The following PLRG1 variants were observed in gnomAD, a reference collection of about 807,000 sequenced individuals.
The protein encoded by PLRG1 is pleiotropic regulator 1 (PRL1 homolog, Arabidopsis).
A neutral mutation model predicts 74.9 loss-of-function variants in PLRG1; 28 were observed. The ratio of observed to expected loss-of-function variants is 0.37; its 90% CI spans 0.28 to 0.51. The LOEUF (loss-of-function observed/expected upper bound fraction) is 0.51. Ranked by LOEUF, PLRG1 falls within the 20% of genes least tolerant of loss-of-function variation. PLRG1 has a pLI of 0.91. For synonymous variants in PLRG1, 197 were observed against 212.4 expected (o/e 0.93, Z 0.63); for missense variants, 445 against 631.9 (o/e 0.70, Z 3.17).
At chr4:154,539,388 T>C (rs1453973155) in intron 11 of PLRG1, among the ~76,000 whole-genome samples, 175 bp from the exon 12 acceptor site, 1 of 152,142 alleles carries the variant, frequency 6.6e-6, no homozygotes, top group Non-Finnish European at 1.5e-5. Flanking sequence ...TTGATTTTAA[T>C]TCTTTAAAAA....
chr4:154,539,769 A>C (rs570389072), intron 11 of PLRG1, among the ~76,000 whole-genome samples, 182 bp downstream of exon 11: 2 of 152,262 alleles, frequency 1.3e-5, no homozygotes, highest in Non-Finnish European at 2.9e-5. Flanking sequence ...AAAAAGCATG[A>C]GGTAAAAACA....
At chr4:154,547,880 C>T (rs748270113) in intron 2 of PLRG1, 27 bp from the exon 3 acceptor site, 18 of 1,549,772 alleles carry the variant, frequency 1.2e-5, no homozygotes, top group African/African-American at 1.4e-5. Context: ...AACATAAGAA[C>T]GTATCCATAA....
Position 154,546,136 on chromosome 4 carries a change from G to T in PLRG1, c.391C>A (p.Pro131Thr), listed in dbSNP as rs1488125551. The change falls in exon 5 of 15, where the codon CCT becomes ACT. Residue 131 changes from proline (P) to threonine (T), a missense_variant. Around this residue, in one of 3 missense-constraint regions of PLRG1, gnomAD observed 206 missense variants for 210.8 expected, o/e 0.98. Coordinates refer to ENST00000499023, the MANE Select transcript of PLRG1 (RefSeq NM_002669.4). The stretch of plus-strand genomic sequence containing the variant: ...AATATTTCATACTTGGTCTGCAAAG[G>T]TAATGCCACCGCTAAGGACTGTGCA... ...SAAQSLAVALPLQTKADANRT... is the reference protein window; with the variant it reads ...SAAQSLAVALTLQTKADANRT... 6.3e-7 allele frequency: 1 copy of T among 1,585,434 alleles called. No individual in the cohort carries two copies. Among genetic ancestry groups the T allele is most frequent in the East Asian group, 2.2e-5 (1 of 44,706 alleles).
intron 1 of PLRG1, among the ~76,000 whole-genome samples, chr4:154,549,983 G>A (rs1337321542): frequency 6.6e-6 from 1 of 152,190 alleles, no homozygotes; most frequent in Non-Finnish European, 1.5e-5. Context: ...ACACTGCCCC[G>A]AGGGCGGCAA....
chr4:154,548,690 A>C (rs1046635703), intron 2 of PLRG1, 139 bp downstream of exon 2: 3 of 579,788 alleles, frequency 5.2e-6, no homozygotes, highest in Non-Finnish European at 9.2e-6. Flanking sequence ...ATCAGCTTAA[A>C]TTATGCCAAA....
intron 7 of PLRG1, among the ~76,000 whole-genome samples, chr4:154,542,590 C>T (rs756575347): frequency 3.3e-5 from 5 of 152,090 alleles, no homozygotes; most frequent in Non-Finnish European, 7.4e-5. Flanking sequence ...TGTATGATTC[C>T]ATTTATATGA....
chr4:154,549,872 T>C, intron 1 of PLRG1: 2 of 419,916 alleles, frequency 4.8e-6, no homozygotes, highest in Non-Finnish European at 4.7e-6. Context: ...CAGGGAAAGA[T>C]GTAAAGAACG....
intron 6 of PLRG1, 136 bp from the exon 7 acceptor site, chr4:154,544,682 T>C (rs560723239): frequency 8.4e-6 from 5 of 597,702 alleles, no homozygotes; most frequent in Non-Finnish European, 1.5e-5. Flanking sequence ...ATTTTCTGTA[T>C]GTTAACTTAA....
At chr4:154,536,863 C>T in intron 14 of PLRG1, 119 bp from the exon 15 acceptor site, 1 of 588,428 alleles carries the variant, frequency 1.7e-6, no homozygotes, top group Non-Finnish European at 3.0e-6. Context: ...ACACTTAGTT[C>T]TTTGACAGTT....
At chr4:154,543,577 T>C (rs949899040) in intron 7 of PLRG1, among the ~76,000 whole-genome samples, 5 of 152,180 alleles carry the variant, frequency 3.3e-5, no homozygotes, top group African/African-American at 1.2e-4. Flanking sequence ...ACTATAGTGA[T>C]AGAAAACAGA....
intron 7 of PLRG1, chr4:154,544,038 G>C (rs567877633): frequency 6.1e-6 from 1 of 164,684 alleles, no homozygotes; most frequent in East Asian, 1.8e-4. Flanking sequence ...AAGTTAGCAT[G>C]CATGTCCATT....
intron 1 of PLRG1, among the ~76,000 whole-genome samples, chr4:154,550,062 G>A (rs1729731902): frequency 1.3e-5 from 2 of 152,208 alleles, no homozygotes; most frequent in South Asian, 4.1e-4. Context: ...AGAGTCAAAC[G>A]AGGACTGGAC....
At position 154,546,994 on chromosome 4, in the gene PLRG1, T is replaced by C. The variant is rs769103313; in HGVS notation, c.313+17A>G. ...TGACATTTTTAAGACATTTTCAATA[T>C]ATAACAGCTCACTAACCAGGTCCTG... On this transcript the variant is annotated intron_variant, in intron 4 of 14. Transcript: ENST00000499023. 6.5e-6 allele frequency: 10 copies of C among 1,548,834 alleles called. No homozygotes were observed. The East Asian group carries it at 1.1e-4, about 17-fold the overall frequency.
At chr4:154,546,914 T>C in intron 4 of PLRG1, 97 bp downstream of exon 4, 3 of 914,132 alleles carry the variant, frequency 3.3e-6, no homozygotes, top group Non-Finnish European at 5.5e-6. Context: ...TGAGCTTATC[T>C]TGCATTTTAT....
At position 154,535,922 on chromosome 4, in the gene PLRG1, T is replaced by G. The variant is rs1481939956; in HGVS notation, c.*763A>C. 1 of 152,196 alleles carries G rather than the reference T, an allele frequency of 6.6e-6. No homozygotes were observed. The highest frequency in any genetic ancestry group is 2.4e-5 in the African/African-American group (1 of 41,436). The allele number at this position is 152,196 out of a possible 1,614,324, so 9.4% of individuals were successfully genotyped here. A position where few individuals can be genotyped will look rare whatever the true frequency, so the allele number is the denominator to read the frequency against. ...TTATTCGACAGTAGCAGAACATTCT[T>G]TGTCCCAGAACACACCGCACACTTT... On this transcript the variant is annotated 3_prime_UTR_variant, in exon 15 of 15. Transcript: ENST00000499023.
chr4:154,549,895 G>A, intron 1 of PLRG1: 1 of 408,204 alleles, frequency 2.4e-6, no homozygotes. Flanking sequence ...AAGTTTTTCT[G>A]GGGGTAGAGG....
rs1729437045 is a variant in PLRG1 at position 154,535,842 on chromosome 4, G to A, written c.*843C>T. 1 of 151,626 alleles carries A rather than the reference G, an allele frequency of 6.6e-6. No individual in the cohort carries two copies. The highest frequency in any genetic ancestry group is 1.5e-5 in the Non-Finnish European group (1 of 67,922). The allele number at this position is 151,626 out of a possible 1,614,324, so 9.4% of individuals were successfully genotyped here. On this transcript the variant is annotated 3_prime_UTR_variant, in exon 15 of 15. Transcript: ENST00000499023. ...CAGTATTGGTATCCTACTAGTTGAG[G>A]AATAAAATCCATACTTATATGAGCT...
At position 154,537,316 on chromosome 4, in the gene PLRG1, G is replaced by C; in HGVS notation, c.1455C>G (p.Thr485=). The C allele has an allele frequency of 6.2e-7, 1 of 1,612,590 alleles. No individual in the cohort carries two copies. The highest frequency in any genetic ancestry group is 8.5e-7 in the Non-Finnish European group (1 of 1,179,036). Residue 485 remains threonine (T), a synonymous_variant, in exon 14 of 15, where the codon ACC becomes ACG. Transcript: ENST00000499023. ...SRLLTAEADK[T]IKVYREDDTA... ...TGTCATCCTCTCTGTATACTTTAAT[G>C]GTTTTATCAGCTTCAGCTGTTAGTA...
intron 2 of PLRG1, 97 bp downstream of exon 2, chr4:154,548,732 A>C: frequency 1.5e-6 from 1 of 668,836 alleles, no homozygotes; most frequent in Non-Finnish European, 2.6e-6. Context: ...TTAGCCCATG[A>C]CTAGCTTATC....
Sources: gnomAD v4.1 joint callset for allele counts (sites outside exome capture counted in the v4.1 genomes callset) on GRCh38, gnomAD v4.1.1 for gene constraint, gnomAD v4.1.1 regional missense constraint, MANE v1.5 for transcripts, NCBI Gene and HGNC (gene_info 2026-07-23, HGNC 2026-07-21) for gene names.